AOPEP: variants seen among roughly 807,000 people sequenced by gnomAD.
AOPEP encodes the protein aminopeptidase O.
Under a neutral mutation model 98.1 loss-of-function variants are expected in AOPEP, and 77 were observed. That is an observed-to-expected ratio of 0.78 (90% CI 0.65 to 0.95). The LOEUF (loss-of-function observed/expected upper bound fraction) is 0.95, where lower values mean the gene tolerates loss of function less well. AOPEP is among the 40% of genes least tolerant of loss of function. AOPEP has a pLI of 0.00. For missense variants in AOPEP, 1,024 were observed against 1,024.7 expected, an observed-to-expected ratio of 1.00 and a Z score of 0.01; for synonymous variants, 346 against 365.3, an observed-to-expected ratio of 0.95 and a Z score of 0.60.
intron 5 of AOPEP, among the ~76,000 whole-genome samples, chr9:94,889,392 T>C (rs1318218024): frequency 6.6e-6 from 1 of 152,252 alleles, no homozygotes; most frequent in Non-Finnish European, 1.5e-5. Context: ...TACCACAGTT[T>C]GTTTAACCAT....
chr9:95,022,000 A>T (rs958335340), intron 13 of AOPEP: 2 of 152,264 alleles, frequency 1.3e-5, no homozygotes, highest in African/African-American at 4.8e-5. Flanking sequence ...AGAAGAAATC[A>T]GACACTGCTA....
Position 94,960,869 on chromosome 9 carries a change from G to A in AOPEP, c.1872+4854G>A, listed in dbSNP as rs111436047. ...CTACTAAAAATACAAAAAATTAGCCGGGCGCGGTGGGGGGCGCCTGTAGTC... is the reference window on the plus strand; with the variant it reads ...CTACTAAAAATACAAAAAATTAGCCAGGCGCGGTGGGGGGCGCCTGTAGTC... On this transcript the variant is annotated intron_variant, in intron 9 of 16. Coordinates refer to ENST00000375315, the MANE Select transcript of AOPEP (RefSeq NM_001193329.3). Among the ~76,000 whole-genome samples, 985 of 152,134 alleles carry A rather than the reference G, an allele frequency of 6.5e-3. 17 individuals are homozygous for A. Among genetic ancestry groups the A allele is most frequent in the African/African-American group, 0.023 (940 of 41,524 alleles).
chr9:94,763,309 A>G (rs1045465697), intron 2 of AOPEP: 18 of 226,886 alleles, frequency 7.9e-5, no homozygotes, highest in Non-Finnish European at 1.6e-4. Flanking sequence ...AGACAAATAT[A>G]AGAAAATCTG....
chr9:94,733,652 CT>C (rs1455833795), intron 1 of AOPEP, among the ~76,000 whole-genome samples: 1 of 152,114 alleles, frequency 6.6e-6, no homozygotes, highest in African/African-American at 2.4e-5. Flanking sequence ...TGAAACTTAC[CT>C]TTAAAACTTC....
chr9:94,973,774 A>G (rs531209951), intron 10 of AOPEP, among the ~76,000 whole-genome samples: 23 of 152,306 alleles, frequency 1.5e-4, no homozygotes, highest in African/African-American at 5.3e-4. Flanking sequence ...TATAAAATCA[A>G]TTTCCATAGT....
At chr9:95,069,483 T>A (rs1031096192) in intron 14 of AOPEP, among the ~76,000 whole-genome samples, 1 of 152,232 alleles carries the variant, frequency 6.6e-6, no homozygotes, top group East Asian at 1.9e-4. Flanking sequence ...AGTCTTAGTA[T>A]GGAAGGAAGG....
intron 10 of AOPEP, among the ~76,000 whole-genome samples, chr9:94,969,546 T>C (rs1280866826): frequency 1.3e-5 from 2 of 151,976 alleles, no homozygotes; most frequent in Non-Finnish European, 2.9e-5. Context: ...TAGCTGGGAC[T>C]ATAGGCGCCC....
intron 15 of AOPEP, among the ~76,000 whole-genome samples, chr9:95,081,155 C>T (rs2069711712): frequency 6.6e-6 from 1 of 152,176 alleles, no homozygotes; most frequent in African/African-American, 2.4e-5. Flanking sequence ...CTGGGAGAGC[C>T]CCGACGGGAC....
At chr9:94,738,731 G>A (rs543606556) in intron 1 of AOPEP, among the ~76,000 whole-genome samples, 10 of 152,108 alleles carry the variant, frequency 6.6e-5, no homozygotes, top group Admixed American at 4.6e-4. Flanking sequence ...CCGCCACCAC[G>A]CTTGGCTAAT....
At chr9:95,111,121 G>A in the AOPEP span, 1 of 1,532,680 alleles carries the variant, frequency 6.5e-7, no homozygotes. Flanking sequence ...ACACCCCTCA[G>A]AACAGCCCGC....
the AOPEP span, among the ~76,000 whole-genome samples, chr9:95,136,000 T>C: frequency 1.3e-5 from 2 of 152,234 alleles, no homozygotes; most frequent in Non-Finnish European, 2.9e-5. Context: ...AGTGTTCTTG[T>C]AATGCAACAA....
chr9:95,000,035 C>T (rs982100143), intron 11 of AOPEP, among the ~76,000 whole-genome samples: 11 of 152,152 alleles, frequency 7.2e-5, no homozygotes, highest in African/African-American at 2.7e-4. Context: ...ATCCACTACG[C>T]CAAGCATGAA....
At chr9:94,775,536 T>G (rs1841901318) in intron 3 of AOPEP, among the ~76,000 whole-genome samples, 1 of 152,114 alleles carries the variant, frequency 6.6e-6, no homozygotes, top group Non-Finnish European at 1.5e-5. Flanking sequence ...CCAACTAATT[T>G]TTGTATTTTT....
At chr9:95,106,167 T>C in the AOPEP span, among the ~76,000 whole-genome samples, 1 of 152,212 alleles carries the variant, frequency 6.6e-6, no homozygotes, top group Non-Finnish European at 1.5e-5. Context: ...CTGATGGCTG[T>C]GCAGTGCATC....
chr9:95,094,055 C>T, the AOPEP span, among the ~76,000 whole-genome samples: 1 of 152,290 alleles, frequency 6.6e-6, no homozygotes, highest in African/African-American at 2.4e-5. Context: ...CTCTCTCCCC[C>T]ACCCCTTTCT....
intron 7 of AOPEP, among the ~76,000 whole-genome samples, chr9:94,943,823 G>A (rs1428236239): frequency 6.7e-6 from 1 of 149,732 alleles, no homozygotes; most frequent in Non-Finnish European, 1.5e-5. Context: ...GGGAGGCTGA[G>A]GCAGGAGAAT....
At chr9:95,138,848 A>C in the AOPEP span, among the ~76,000 whole-genome samples, 3 of 152,176 alleles carry the variant, frequency 2.0e-5, no homozygotes, top group Admixed American at 6.6e-5. Context: ...CCAGTCAGTA[A>C]AGTGCGTGAT....
At chr9:94,962,653 G>A (rs1258169130) in intron 9 of AOPEP, among the ~76,000 whole-genome samples, 1 of 150,918 alleles carries the variant, frequency 6.6e-6, no homozygotes, top group Admixed American at 6.6e-5. Flanking sequence ...AGTCCCTAAA[G>A]TTCTTCCTTT....
chr9:95,078,477 G>C (rs1352903972), intron 14 of AOPEP, among the ~76,000 whole-genome samples: 2 of 152,226 alleles, frequency 1.3e-5, no homozygotes, highest in Non-Finnish European at 2.9e-5. Flanking sequence ...GACAAGCGTT[G>C]GTTGTTAGAA....
Sources: allele counts gnomAD v4.1 joint callset (sites outside exome capture counted in the v4.1 genomes callset), GRCh38; gene constraint gnomAD v4.1.1; transcripts MANE v1.5; gene names NCBI Gene and HGNC (gene_info 2026-07-23, HGNC 2026-07-21).